The following BEAN1 variants were observed in gnomAD, a reference collection of about 807,000 sequenced individuals.
The protein encoded by BEAN1 is brain expressed associated with NEDD4 1.
A neutral mutation model predicts 17.7 loss-of-function variants in BEAN1; 17 were observed. The observed-to-expected ratio is 0.96, with a 90% CI of 0.66 to 1.44. The LOEUF (loss-of-function observed/expected upper bound fraction) is 1.44. Ranked by LOEUF, BEAN1 falls within the 40% of genes most tolerant of loss-of-function variation. The pLI, the probability that BEAN1 is intolerant of heterozygous loss-of-function variation, is 0.00. For synonymous variants in BEAN1, 142 were observed against 151.8 expected, an observed-to-expected ratio of 0.94 and a Z score of 0.47; for missense variants, 359 against 374.1, an observed-to-expected ratio of 0.96 and a Z score of 0.33.
chr16:66,464,381 AC>A (rs1384258659), intron 2 of BEAN1, among the ~76,000 whole-genome samples: 1 of 151,726 alleles, frequency 6.6e-6, no homozygotes, highest in Non-Finnish European at 1.5e-5. Flanking sequence ...TCGCTCTGTC[AC>A]CCAGAATGGA....
At chr16:66,450,364 G>A (rs1567490899) in intron 2 of BEAN1, among the ~76,000 whole-genome samples, 1 of 152,168 alleles carries the variant, frequency 6.6e-6, no homozygotes, top group Non-Finnish European at 1.5e-5. Flanking sequence ...CTGAATGAGG[G>A]TCTGTTTCTA....
downstream of BEAN1, chr16:66,483,059 A>C: frequency 2.7e-6 from 1 of 366,120 alleles, no homozygotes; most frequent in Non-Finnish European, 5.3e-6. Context: ...ACAGGGTCTC[A>C]CTATGTTGCC....
chr16:66,463,355 T>C (rs1963151831), intron 2 of BEAN1, among the ~76,000 whole-genome samples: 1 of 152,202 alleles, frequency 6.6e-6, no homozygotes, highest in African/African-American at 2.4e-5. Context: ...TGTGAAATGG[T>C]ATCTCATTGT....
In BEAN1 at chr16:66,439,838, C is replaced by A. The variant is rs140195597; in HGVS notation, c.25+2137C>A. Among the ~76,000 whole-genome samples, 22 of 152,294 alleles carry A rather than the reference C, an allele frequency of 1.4e-4. No homozygotes were observed. In the East Asian group the frequency reaches 3.7e-3, roughly 25 times the overall value. On this transcript the variant is annotated intron_variant, in intron 2 of 4. Transcript: ENST00000536005. ...CTCCATGACTTTGACCCAGACATAT[C>A]TCTGAGACAAAGGGGTCCACCAAGC...
chr16:66,491,486 T>C (rs1364474675), intron 4 of BEAN1, among the ~76,000 whole-genome samples: 2 of 152,164 alleles, frequency 1.3e-5, no homozygotes, highest in Non-Finnish European at 2.9e-5. Context: ...TTCAGTCCCA[T>C]TTCAGTTTAA....
chr16:66,455,474 G>T (rs1962828669), intron 2 of BEAN1, among the ~76,000 whole-genome samples: 1 of 152,178 alleles, frequency 6.6e-6, no homozygotes, highest in Non-Finnish European at 1.5e-5. Context: ...TTGAGCTACA[G>T]AGTGTCCCTG....
chr16:66,477,001 C>G (rs1597043303), intron 3 of BEAN1, among the ~76,000 whole-genome samples: 1 of 152,062 alleles, frequency 6.6e-6, no homozygotes, highest in East Asian at 1.9e-4. Context: ...TTCTCTGAAG[C>G]CCTCATTCCT....
At chr16:66,447,853 A>C (rs935612600) in intron 2 of BEAN1, among the ~76,000 whole-genome samples, 2 of 152,242 alleles carry the variant, frequency 1.3e-5, no homozygotes, top group Non-Finnish European at 2.9e-5. Context: ...CAGGTCACAC[A>C]GTATGTTAGT....
At chr16:66,464,092 T>C (rs1963180939) in intron 2 of BEAN1, among the ~76,000 whole-genome samples, 1 of 152,234 alleles carries the variant, frequency 6.6e-6, no homozygotes, top group African/African-American at 2.4e-5. Flanking sequence ...CTTTTGAGGT[T>C]ATTTTAGCTA....
At chr16:66,455,688 CTTTT>C (rs35075494) in intron 2 of BEAN1, among the ~76,000 whole-genome samples, 2 of 143,680 alleles carry the variant, frequency 1.4e-5, no homozygotes, top group Admixed American at 7.0e-5. Flanking sequence ...AATAAAGCTA[CTTTT>C]TTTTTTTTTT....
At chr16:66,474,973 T>C in intron 3 of BEAN1, among the ~76,000 whole-genome samples, 1 of 152,158 alleles carries the variant, frequency 6.6e-6, no homozygotes, top group East Asian at 1.9e-4. Context: ...TCATAGAGAT[T>C]GAGCACAGCA....
intron 2 of BEAN1, among the ~76,000 whole-genome samples, chr16:66,444,722 C>T (rs1036304962): frequency 2.6e-5 from 4 of 152,104 alleles, no homozygotes; most frequent in African/African-American, 9.7e-5. Context: ...CCTCAGTTCC[C>T]CCAGGTGTAA....
intron 3 of BEAN1, among the ~76,000 whole-genome samples, chr16:66,472,774 C>T (rs1385891715): frequency 6.6e-6 from 1 of 152,078 alleles, no homozygotes; most frequent in Non-Finnish European, 1.5e-5. Context: ...AATTTCAACA[C>T]TTTGGGAGGC....
At chr16:66,492,584 C>T (rs1034629437) in intron 4 of BEAN1, among the ~76,000 whole-genome samples, 36 of 151,798 alleles carry the variant, frequency 2.4e-4, no homozygotes, top group Non-Finnish European at 4.6e-4. Context: ...GGATTACAGG[C>T]GCCTGCCACC....
intron 2 of BEAN1, chr16:66,451,093 T>C (rs184487732): frequency 2.0e-5 from 3 of 153,802 alleles, no homozygotes; most frequent in South Asian, 2.1e-4. Context: ...ACTGCTGTAA[T>C]TGATGGTGCA....
rs1285580575 is a variant in BEAN1 at position 66,481,302 on chromosome 16, C to T, written c.*377C>T. ...GATTTTCTCTTCCCTCTCCTGGGCCCGTTTGCCCCTACCCTCGCCCAGCAA... is the reference window on the plus strand; with the variant it reads ...GATTTTCTCTTCCCTCTCCTGGGCCTGTTTGCCCCTACCCTCGCCCAGCAA... On this transcript the variant is annotated 3_prime_UTR_variant, in exon 5 of 5. Transcript: ENST00000536005. This position sits in a 1 kb window ranked among gnomAD's most constrained non-coding sequence, Gnocchi z 4.1. 1.0e-5 allele frequency: 4 copies of T among 399,302 alleles called. No homozygotes were observed. The highest frequency in any genetic ancestry group is 6.2e-5 in the African/African-American group (3 of 48,622). 24.7% of individuals were successfully genotyped at this position (399,302 alleles called of 1,614,324 possible).
chr16:66,482,783 T>A lies in BEAN1; in HGVS notation c.*1858T>A, dbSNP rs1189935580. 4.5e-6 allele frequency: 2 copies of A among 440,292 alleles called. No individual in the cohort carries two copies. The highest frequency in any genetic ancestry group is 9.0e-6 in the Non-Finnish European group (2 of 222,282). 27.3% of individuals were successfully genotyped at this position (440,292 alleles called of 1,614,324 possible). ...AAGCAACAATGTATCTTTTCTGTGT[T>A]CAAAATAAATACATAATATCAATAA... On this transcript the variant is annotated 3_prime_UTR_variant, in exon 5 of 5. Transcript: ENST00000536005.
chr16:66,455,469 C>A (rs1962828537), intron 2 of BEAN1, among the ~76,000 whole-genome samples: 1 of 152,162 alleles, frequency 6.6e-6, no homozygotes, highest in South Asian at 2.1e-4. Flanking sequence ...TGAAGTTGAG[C>A]TACAGAGTGT....
Position 66,427,635 on chromosome 16 carries a change from G to A in BEAN1, c.-83+204G>A, listed in dbSNP as rs1385927195. On this transcript the variant is annotated intron_variant, in intron 1 of 4. Coordinates refer to ENST00000536005, the MANE Select transcript of BEAN1 (RefSeq NM_001178020.3). The surrounding 1 kb of genome is among the most constrained non-coding windows in gnomAD (Gnocchi z 4.7). ...GGAGCGGGATCCCGGGTCTCCCGCG[G>A]ACCCTCGACCCCGGGCTGGCCACTG... 2 of 152,098 alleles carry A rather than the reference G, an allele frequency of 1.3e-5. No individual in the cohort carries two copies. Among genetic ancestry groups the A allele is most frequent in the Admixed American group, 6.5e-5 (1 of 15,284 alleles). 9.4% of individuals were successfully genotyped at this position (152,098 alleles called of 1,614,324 possible).
Sources: allele counts gnomAD v4.1 joint callset (sites outside exome capture counted in the v4.1 genomes callset), GRCh38; gene constraint gnomAD v4.1.1; non-coding constraint Gnocchi (gnomAD v3.1); transcripts MANE v1.5; gene names NCBI Gene and HGNC (gene_info 2026-07-23, HGNC 2026-07-21).